Variants in WARS1 observed in about 807,000 individuals in gnomAD.
WARS1 encodes the protein tryptophan--tRNA ligase, cytoplasmic.
A neutral mutation model predicts 47.8 loss-of-function variants in WARS1; 17 were observed. That is an observed-to-expected ratio of 0.36 (90% CI 0.24 to 0.53). The LOEUF (loss-of-function observed/expected upper bound fraction) is 0.53, where lower values mean the gene tolerates loss of function less well. Ranked by LOEUF, WARS1 falls within the 20% of genes least tolerant of loss-of-function variation. The pLI is 0.91. For missense variants in WARS1, 434 were observed against 608.0 expected, an observed-to-expected ratio of 0.71 and a Z score of 3.01; for synonymous variants, 208 against 228.1, an observed-to-expected ratio of 0.91 and a Z score of 0.79.
chr14:100,367,623 A>T (rs918357785), intron 2 of WARS1, among the ~76,000 whole-genome samples: 2 of 151,338 alleles, frequency 1.3e-5, no homozygotes, highest in African/African-American at 4.9e-5. Flanking sequence ...AAAAAAAAAA[A>T]AAAAAAAAGA....
chr14:100,361,508 T>A (rs1223767591), intron 3 of WARS1, among the ~76,000 whole-genome samples, 200 bp downstream of exon 3: 1 of 152,352 alleles, frequency 6.6e-6, no homozygotes, highest in East Asian at 1.9e-4. Context: ...TGAAATATAT[T>A]TTATATTGTT....
intron 9 of WARS1, among the ~76,000 whole-genome samples, chr14:100,339,590 C>CAAAA (rs386382322): frequency 4.7e-4 from 37 of 78,366 alleles, no homozygotes; most frequent in East Asian, 1.1e-3. Flanking sequence ...GACTCCGTCT[C>CAAAA]AAAAAAAAAA....
At chr14:100,345,677 TA>T (rs72383545) in intron 7 of WARS1, among the ~76,000 whole-genome samples, 7,235 of 138,064 alleles carry the variant, frequency 0.052, 211 homozygotes, top group African/African-American at 0.08. Flanking sequence ...ATAAATAAAT[TA>T]AAAAAAAAAA....
chr14:100,364,104 T>C (rs1171569861), intron 2 of WARS1, among the ~76,000 whole-genome samples: 1 of 152,180 alleles, frequency 6.6e-6, no homozygotes, highest in Non-Finnish European at 1.5e-5. Flanking sequence ...TGTGGTCATT[T>C]TGTGAAAATT....
intron 6 of WARS1, among the ~76,000 whole-genome samples, chr14:100,347,907 A>C (rs1894731620): frequency 6.6e-6 from 1 of 152,136 alleles, no homozygotes; most frequent in Non-Finnish European, 1.5e-5. Flanking sequence ...TCTTTGTATT[A>C]CTATATTCAG....
intron 6 of WARS1, among the ~76,000 whole-genome samples, chr14:100,349,452 A>G (rs1189717472): frequency 6.6e-6 from 1 of 152,234 alleles, no homozygotes; most frequent in Non-Finnish European, 1.5e-5. Context: ...GAGTGAAGAA[A>G]GCAGGCAGAG....
At chr14:100,367,048 T>TA (rs555512348) in intron 2 of WARS1, 5,733 of 597,578 alleles carry the variant, frequency 9.6e-3, no homozygotes, top group South Asian at 0.011. Context: ...AAAATAAGAT[T>TA]AAAAAAAAAA....
intron 1 of WARS1, among the ~76,000 whole-genome samples, chr14:100,369,689 T>C (rs989266627): frequency 1.3e-5 from 2 of 152,038 alleles, no homozygotes; most frequent in Non-Finnish European, 2.9e-5. Context: ...TGATTTTTTT[T>C]TTTTTTGAGA....
chr14:100,361,291 C>CTTAAGT (rs1895644703), intron 3 of WARS1, among the ~76,000 whole-genome samples: 1 of 152,184 alleles, frequency 6.6e-6, no homozygotes. Context: ...AGAACTTGCC[C>CTTAAGT]GATGTGAGAA....
intron 4 of WARS1, among the ~76,000 whole-genome samples, chr14:100,355,268 T>C (rs993647169): frequency 5.3e-5 from 8 of 152,110 alleles, no homozygotes; most frequent in African/African-American, 1.9e-4. Context: ...TCACCCAGGC[T>C]GGAGTGCAGT....
chr14:100,351,439 G>T (rs1043491042), intron 6 of WARS1, among the ~76,000 whole-genome samples: 1 of 149,840 alleles, frequency 6.7e-6, no homozygotes, highest in Non-Finnish European at 1.5e-5. Context: ...GATCACTTGA[G>T]GTCAGGAGTT....
intron 9 of WARS1, among the ~76,000 whole-genome samples, chr14:100,339,325 C>T (rs888365846): frequency 3.2e-4 from 48 of 152,184 alleles, no homozygotes; most frequent in Middle Eastern, 3.2e-3. Context: ...GGCGCAGTGG[C>T]TCACGCCTGT....
chr14:100,359,226 G>A (rs777033594), intron 4 of WARS1, among the ~76,000 whole-genome samples: 1 of 152,218 alleles, frequency 6.6e-6, no homozygotes, highest in African/African-American at 2.4e-5. Context: ...CAAATGGTCA[G>A]AGCAGCATTG....
At chr14:100,341,310 G>A (rs1026538289) in intron 9 of WARS1, among the ~76,000 whole-genome samples, 1 of 152,148 alleles carries the variant, frequency 6.6e-6, no homozygotes, top group African/African-American at 2.4e-5. Context: ...CCTGTGCTCC[G>A]GAAGTTTTGG....
At position 100,334,755 on chromosome 14, in the gene WARS1, G is replaced by A. The variant is rs1052532481; in HGVS notation, c.*120C>T. 8.4e-7 allele frequency: 1 copy of A among 1,196,134 alleles called. No homozygotes were observed. The highest frequency in any genetic ancestry group is 1.2e-6 in the Non-Finnish European group (1 of 843,736). The allele number at this position is 1,196,134 out of a possible 1,614,324, so 74.1% of individuals were successfully genotyped here. On this transcript the variant is annotated 3_prime_UTR_variant, in exon 11 of 11. Coordinates refer to ENST00000392882, the MANE Select transcript of WARS1 (RefSeq NM_004184.4). ...TTGATAACATACACAGGCTTACAGAGGCCAGGCCCAGTAATTACCATGAGA... is the reference window on the plus strand; with the variant it reads ...TTGATAACATACACAGGCTTACAGAAGCCAGGCCCAGTAATTACCATGAGA...
intron 4 of WARS1, among the ~76,000 whole-genome samples, chr14:100,356,971 G>A (rs557823877): frequency 1.3e-5 from 2 of 152,210 alleles, no homozygotes; most frequent in African/African-American, 4.8e-5. Flanking sequence ...TGATTAAGTG[G>A]AATTTGTTCC....
chr14:100,352,155 A>G (rs1362870063), intron 6 of WARS1, among the ~76,000 whole-genome samples: 1 of 105,306 alleles, frequency 9.5e-6, no homozygotes, highest in Non-Finnish European at 1.8e-5. Context: ...TCTGTTGCCC[A>G]GGCTGGAATG....
chr14:100,340,917 CTTT>C (rs71113263), intron 9 of WARS1, among the ~76,000 whole-genome samples: 3 of 137,236 alleles, frequency 2.2e-5, no homozygotes, highest in Non-Finnish European at 3.1e-5. Flanking sequence ...TTTTTCTTTT[CTTT>C]TTTTTTTTTT....
rs1038211121 is a variant in WARS1, at chr14:100,344,274, G to A, written c.827-887C>T. Among the ~76,000 whole-genome samples, 5 of 152,264 alleles carry A rather than the reference G, an allele frequency of 3.3e-5. No homozygotes were observed. In the East Asian group the frequency reaches 5.8e-4, roughly 18 times the overall value. ...GTTTTCGGATTTTTTTGGTGGAGAC[G>A]GGGTTTCGCTGTGTTGGCCGGGCTG... On this transcript the variant is annotated intron_variant, in intron 7 of 10. Transcript: ENST00000392882.
Sources: gnomAD v4.1 joint callset for allele counts (sites outside exome capture counted in the v4.1 genomes callset) on GRCh38, gnomAD v4.1.1 for gene constraint, MANE v1.5 for transcripts, NCBI Gene and HGNC (gene_info 2026-07-23, HGNC 2026-07-21) for gene names.